The following FYB1 variants were observed in gnomAD, a reference collection of about 807,000 sequenced individuals.
FYB1 encodes FYN-binding protein 1.
FYB1 carries 41 observed loss-of-function variants against 94.1 expected under a neutral mutation model. The ratio of observed to expected loss-of-function variants is 0.44; its 90% CI spans 0.34 to 0.57. The LOEUF (loss-of-function observed/expected upper bound fraction) is 0.57. Ranked by LOEUF, FYB1 falls within the 20% of genes least tolerant of loss-of-function variation. The pLI is 0.02. For synonymous variants in FYB1, 367 were observed against 353.2 expected (o/e 1.04, Z -0.44); for missense variants, 1,050 against 976.8 (o/e 1.07, Z -1.00).
chr5:39,128,801 A>G (rs1053017533), intron 10 of FYB1, among the ~76,000 whole-genome samples: 3 of 152,120 alleles, frequency 2.0e-5, no homozygotes, highest in African/African-American at 7.2e-5. Context: ...ATTAATATAC[A>G]CAAACATGAT....
chr5:39,178,094 T>C (rs16868242), intron 2 of FYB1, among the ~76,000 whole-genome samples: 5,522 of 152,246 alleles, frequency 0.036, 347 homozygotes, highest in African/African-American at 0.13. Context: ...CCTGTGAACA[T>C]TGGTCCTACT....
At chr5:39,112,013 T>C (rs1259699036) in intron 16 of FYB1, among the ~76,000 whole-genome samples, 2 of 152,008 alleles carry the variant, frequency 1.3e-5, no homozygotes, top group East Asian at 3.8e-4. Context: ...AAATAAGGTA[T>C]ACATAATAAT....
chr5:39,109,112 A>G (rs1354751664), intron 17 of FYB1, among the ~76,000 whole-genome samples: 1 of 152,130 alleles, frequency 6.6e-6, no homozygotes, highest in African/African-American at 2.4e-5. Context: ...CACTTAGACC[A>G]GAACTACTCT....
At chr5:39,111,706 T>C (rs1052808032) in intron 16 of FYB1, among the ~76,000 whole-genome samples, 2 of 151,884 alleles carry the variant, frequency 1.3e-5, no homozygotes, top group Non-Finnish European at 2.9e-5. Flanking sequence ...TAATGAGACA[T>C]GTGCCAAGAT....
chr5:39,270,709 G>A, intron 1 of FYB1: 5 of 632,604 alleles, frequency 7.9e-6, no homozygotes, highest in Non-Finnish European at 1.3e-5. Context: ...TTCACACATT[G>A]ATATGTGAGG....
rs759329922 is a variant in FYB1, at chr5:39,153,567, G to A, written c.1173C>T (p.Ser391=). ...GATGGGATGGTGGAGGTGGTGGCAG[G>A]GAAGTTGTTGAGTAAGACGTCTGGC... The part of the protein sequence containing the change: ...SKGQTSYSTT[S]LPPPPPSHPA... Residue 391 remains serine (S), a synonymous_variant, in exon 3 of 19, where the codon TCC becomes TCT. Transcript: ENST00000512982. 1.9e-6 allele frequency: 3 copies of A among 1,613,744 alleles called. No individual in the cohort carries two copies. The highest frequency in any genetic ancestry group is 2.2e-5 in the East Asian group (1 of 44,868).
At chr5:39,234,694 A>G (rs1199448912) in intron 1 of FYB1, among the ~76,000 whole-genome samples, 2 of 152,172 alleles carry the variant, frequency 1.3e-5, no homozygotes, top group Non-Finnish European at 2.9e-5. Flanking sequence ...CATATACACC[A>G]TGGAATACTA....
intron 1 of FYB1, among the ~76,000 whole-genome samples, chr5:39,260,152 G>A (rs536266776): frequency 3.7e-4 from 57 of 152,320 alleles, no homozygotes; most frequent in African/African-American, 1.3e-3. Context: ...GCATAGGAAG[G>A]AGGAAATGAT....
intron 2 of FYB1, among the ~76,000 whole-genome samples, chr5:39,196,705 T>C (rs1425916940): frequency 2.0e-5 from 3 of 152,190 alleles, no homozygotes; most frequent in African/African-American, 7.2e-5. Context: ...GAGTTTCATT[T>C]ATGCTTGATT....
At chr5:39,187,359 C>T (rs905067642) in intron 2 of FYB1, among the ~76,000 whole-genome samples, 6 of 152,142 alleles carry the variant, frequency 3.9e-5, no homozygotes, top group African/African-American at 1.2e-4. Context: ...AAGAAAGGCA[C>T]CTTGATTTTA....
rs75527327 is a variant in FYB1 at position 39,108,896 on chromosome 5, T to C, written c.2436-634A>G. Among the ~76,000 whole-genome samples the C allele has an allele frequency of 3.8e-3, 571 of 152,188 alleles. 24 individuals are homozygous for C. In the East Asian group the frequency reaches 0.092, roughly 25 times the overall value. On this transcript the variant is annotated intron_variant, in intron 17 of 18. Transcript: ENST00000512982. ...GGTTTTGCCTGGCCCTGAATCTTTG[T>C]GATATTTTCTATCCGACAAACATAC...
intron 13 of FYB1, among the ~76,000 whole-genome samples, chr5:39,123,388 A>T (rs1580321486): frequency 6.6e-6 from 1 of 152,194 alleles, no homozygotes; most frequent in East Asian, 1.9e-4. Flanking sequence ...CTTAAAACAT[A>T]TTTAAGAACA....
chr5:39,207,057 C>A (rs913714910), intron 1 of FYB1, among the ~76,000 whole-genome samples: 1 of 152,072 alleles, frequency 6.6e-6, no homozygotes, highest in African/African-American at 2.4e-5. Flanking sequence ...TTTGCAGAAC[C>A]TTTTTAACTT....
chr5:39,258,451 T>TA (rs1264506336), intron 1 of FYB1, among the ~76,000 whole-genome samples: 7 of 151,874 alleles, frequency 4.6e-5, no homozygotes, highest in Non-Finnish European at 1.0e-4. Flanking sequence ...AATACAAAAA[T>TA]TATGTGGGTG....
intron 12 of FYB1, among the ~76,000 whole-genome samples, chr5:39,125,642 A>G (rs1269762736): frequency 5.9e-5 from 9 of 152,168 alleles, no homozygotes; most frequent in Admixed American, 2.6e-4. Context: ...ATGTAATGCT[A>G]TATTTTAAAA....
At chr5:39,127,059 CAAAA>C (rs200980181) in intron 11 of FYB1, among the ~76,000 whole-genome samples, 5 of 77,484 alleles carry the variant, frequency 6.5e-5, no homozygotes, top group Admixed American at 4.2e-4. Context: ...ACTCAGGTCT[CAAAA>C]AAAAAAAAAA....
chr5:39,207,522 A>G (rs1027182888), intron 1 of FYB1, among the ~76,000 whole-genome samples: 2 of 152,260 alleles, frequency 1.3e-5, no homozygotes, highest in Non-Finnish European at 2.9e-5. Context: ...TCTGCATAAA[A>G]GTAATGAACC....
chr5:39,121,467 A>G (rs1243052507), intron 14 of FYB1, among the ~76,000 whole-genome samples: 1 of 152,168 alleles, frequency 6.6e-6, no homozygotes, highest in African/African-American at 2.4e-5. Flanking sequence ...ATAAATACTT[A>G]GCGTTTACTC....
In FYB1 at chr5:39,270,577, T is replaced by G. The variant is rs527508596; in HGVS notation, c.-28+3826A>C. On this transcript the variant is annotated intron_variant, in intron 1 of 1. Transcript: ENST00000510188. Reference sequence around the variant, plus strand: ...TAAAATCTATTACTTACCATTTTTATTGAAAAGAGTTGATATGCCTGGCAC... The same window carrying G: ...TAAAATCTATTACTTACCATTTTTAGTGAAAAGAGTTGATATGCCTGGCAC... 6 of 1,535,244 alleles carry G rather than the reference T, an allele frequency of 3.9e-6. No individual in the cohort carries two copies. In the African/African-American group the frequency reaches 8.2e-5, roughly 21 times the overall value.
Sources: gnomAD v4.1 joint callset for allele counts (sites outside exome capture counted in the v4.1 genomes callset) on GRCh38, gnomAD v4.1.1 for gene constraint, MANE v1.5 for transcripts, NCBI Gene and HGNC (gene_info 2026-07-23, HGNC 2026-07-21) for gene names.